The following ALDH2 variants were observed in gnomAD, a reference collection of about 807,000 sequenced individuals.
ALDH2 encodes aldehyde dehydrogenase 2 family member.
A neutral mutation model predicts 59.6 loss-of-function variants in ALDH2; 44 were observed. The ratio of observed to expected loss-of-function variants is 0.74; its 90% confidence interval spans 0.58 to 0.95. The LOEUF is 0.95. Ranked by LOEUF, ALDH2 falls within the 40% of genes least tolerant of loss-of-function variation. The pLI, the probability that ALDH2 is intolerant of heterozygous loss-of-function variation, is 0.00. For synonymous variants in ALDH2, 291 were observed against 284.0 expected (o/e 1.02, Z -0.25); for missense variants, 570 against 696.3 (o/e 0.82, Z 2.04).
intron 8 of ALDH2, among the ~76,000 whole-genome samples, 155 bp downstream of exon 8, chr12:111,792,318 C>CTGGCCT (rs1593080233): frequency 1.3e-5 from 2 of 152,360 alleles, no homozygotes; most frequent in East Asian, 3.9e-4. Context: ...CCTGCATGGC[C>CTGGCCT]TGGCCTTGGC....
At position 111,814,349 on chromosome 12, in the gene ALDH2, A is replaced by G. The variant is rs2068556905; in HGVS notation, c.*4774A>G. On this transcript the variant is annotated 3_prime_UTR_variant, in exon 13 of 13. Transcript: ENST00000261733. ...GTGACAGAGTGAGACTCTGTCTCCA[A>G]AAAAAAAAAAAGAAACCCCATCTCT... The G allele has an allele frequency of 6.9e-6, 1 of 145,674 alleles. No individual in the cohort carries two copies. The highest frequency in any genetic ancestry group is 2.5e-5 in the African/African-American group (1 of 40,188). 9.0% of individuals were successfully genotyped at this position (145,674 alleles called of 1,614,324 possible).
intron 9 of ALDH2, among the ~76,000 whole-genome samples, chr12:111,796,371 G>A (rs1180904635): frequency 6.6e-6 from 1 of 151,686 alleles, no homozygotes; most frequent in Non-Finnish European, 1.5e-5. Flanking sequence ...AAATTAGCCA[G>A]ATGTAGTGAT....
chr12:111,802,283 G>T (rs1480066837), intron 11 of ALDH2, among the ~76,000 whole-genome samples: 1 of 151,938 alleles, frequency 6.6e-6, no homozygotes. Context: ...GTGGTGGCAT[G>T]CACCTGTAAT....
intron 11 of ALDH2, among the ~76,000 whole-genome samples, 167 bp from the exon 12 acceptor site, chr12:111,803,692 T>C (rs555019657): frequency 6.6e-6 from 1 of 151,820 alleles, no homozygotes; most frequent in South Asian, 2.1e-4. Context: ...GCCAAGATCA[T>C]GCCATGGCAA....
intron 12 of ALDH2, 116 bp from the exon 13 acceptor site, chr12:111,809,427 C>T (rs1387876478): frequency 1.7e-6 from 2 of 1,148,112 alleles, no homozygotes; most frequent in Non-Finnish European, 2.6e-6. Flanking sequence ...GTACTCCAGT[C>T]TGGGGAGAAA....
Position 111,815,011 on chromosome 12 carries a change from A to G in ALDH2, c.*5436A>G, listed in dbSNP as rs1343371816. 2 of 152,164 alleles carry G rather than the reference A, an allele frequency of 1.3e-5. No homozygotes were observed. Among genetic ancestry groups the G allele is most frequent in the African/African-American group, 2.4e-5 (1 of 41,434 alleles). The allele number at this position is 152,164 out of a possible 1,614,324, so 9.4% of individuals were successfully genotyped here. On this transcript the variant is annotated 3_prime_UTR_variant, in exon 13 of 13. Coordinates refer to ENST00000261733, the MANE Select transcript of ALDH2 (RefSeq NM_000690.4). ...TCATTTGGCTTATTCTGTGAAGGAT[A>G]AAACAGAGCTGACATTTGTTCATTT...
chr12:111,815,199 TA>T lies in ALDH2; in HGVS notation c.*5626del, dbSNP rs1360726200. 6.6e-6 allele frequency: 1 copy of T among 152,172 alleles called. No homozygotes were observed. Among genetic ancestry groups the T allele is most frequent in the African/African-American group, 2.4e-5 (1 of 41,436 alleles). 9.4% of individuals were successfully genotyped at this position (152,172 alleles called of 1,614,324 possible). ...ACTTGGAGCCTTCTCAAGAGCTTCT[TA>T]ACAATATTTTCATTTTTTATATTTT... is the stretch of plus-strand genomic sequence containing the variant. On this transcript the variant is annotated 3_prime_UTR_variant, in exon 13 of 13. Transcript: ENST00000261733.
At chr12:111,799,725 C>T in intron 10 of ALDH2, 181 bp from the exon 11 acceptor site, 1 of 638,374 alleles carries the variant, frequency 1.6e-6, no homozygotes, top group Non-Finnish European at 2.5e-6. Flanking sequence ...GAAGTTGGCC[C>T]CTGTTAGCTC....
Position 111,809,831 on chromosome 12 carries a change from A to G in ALDH2, c.*256A>G. The G allele has an allele frequency of 1.8e-6, 1 of 544,868 alleles. No homozygotes were observed. Among genetic ancestry groups the G allele is most frequent in the Non-Finnish European group, 3.3e-6 (1 of 306,258 alleles). The allele number at this position is 544,868 out of a possible 1,614,324, so 33.8% of individuals were successfully genotyped here. On this transcript the variant is annotated 3_prime_UTR_variant, in exon 13 of 13. Transcript: ENST00000261733. ...GATGATTTTTAAAAAATAGATTCAA[A>G]TGTGTTATCCTCTCTCTGAAACGCT...
chr12:111,780,255 C>G (rs972387608), intron 1 of ALDH2, among the ~76,000 whole-genome samples: 18 of 152,138 alleles, frequency 1.2e-4, no homozygotes, highest in African/African-American at 3.9e-4. Flanking sequence ...AATGGAGGGG[C>G]TTTGGCTCTC....
rs189543272 is a variant in ALDH2 at position 111,770,655 on chromosome 12, A to T, written c.114+3559A>T. 9.2e-5 allele frequency among the ~76,000 whole-genome samples: 14 copies of T among 151,732 alleles called. No homozygotes were observed. In the East Asian group the frequency reaches 2.7e-3, roughly 29 times the overall value. On this transcript the variant is annotated intron_variant, in intron 1 of 12. Transcript: ENST00000261733. ...ATTTTTGTATTTTTTATTTTATTTT[A>T]TTTATTTGAGACAGACTCTTGCTCT...
At chr12:111,791,500 A>T in intron 7 of ALDH2, 81 bp downstream of exon 7, 2 of 1,092,916 alleles carry the variant, frequency 1.8e-6, no homozygotes, top group Non-Finnish European at 2.7e-6. Context: ...GCTCAAGGTG[A>T]GCTCCCGGGT....
chr12:111,779,298 G>A (rs367643693), intron 1 of ALDH2, among the ~76,000 whole-genome samples: 3 of 152,068 alleles, frequency 2.0e-5, no homozygotes, highest in South Asian at 2.1e-4. Flanking sequence ...CAAGTGATCC[G>A]TCCATCTCAG....
rs559715053 is a variant in ALDH2, at chr12:111,778,503, C to A, written c.115-3415C>A. ...GAGGTTGCAGTGAGCCGGGATCGCT[C>A]CATTGCACTCCAGCCTGGGGAACAA... On this transcript the variant is annotated intron_variant, in intron 1 of 12. Coordinates refer to ENST00000261733, the MANE Select transcript of ALDH2 (RefSeq NM_000690.4). 2.1e-4 allele frequency among the ~76,000 whole-genome samples: 32 copies of A among 150,738 alleles called. 1 individual carries two copies. Among genetic ancestry groups the A allele is most frequent in the Non-Finnish European group, 4.0e-4 (27 of 67,822 alleles).
At chr12:111,790,328 C>A in intron 5 of ALDH2, 106 bp from the exon 6 acceptor site, 1 of 1,462,340 alleles carries the variant, frequency 6.8e-7, no homozygotes, top group Non-Finnish European at 9.4e-7. Flanking sequence ...ACGCAGGGTT[C>A]AGAGAACTCG....
rs973538434 is a variant in ALDH2, at chr12:111,813,245, T to G, written c.*3670T>G. 6.6e-6 allele frequency: 1 copy of G among 152,204 alleles called. No individual in the cohort carries two copies. The highest frequency in any genetic ancestry group is 2.4e-5 in the African/African-American group (1 of 41,438). 9.4% of individuals were successfully genotyped at this position (152,204 alleles called of 1,614,324 possible). ...CGCTGCTTCTGGGTAGAGCCTCCAC[T>G]TGTGGCTGCACAGAGGGCACAGAGA... On this transcript the variant is annotated 3_prime_UTR_variant, in exon 13 of 13. Transcript: ENST00000261733.
intron 4 of ALDH2, among the ~76,000 whole-genome samples, chr12:111,785,560 C>T (rs1376996027): frequency 6.6e-6 from 1 of 152,040 alleles, no homozygotes; most frequent in Non-Finnish European, 1.5e-5. Context: ...CCCATCTCTA[C>T]TAAAAATACA....
intron 11 of ALDH2, among the ~76,000 whole-genome samples, chr12:111,803,063 C>T (rs2068467143): frequency 6.6e-6 from 1 of 150,594 alleles, no homozygotes; most frequent in Non-Finnish European, 1.5e-5. Context: ...TGGTAGCATG[C>T]ACCTGTAATC....
At chr12:111,797,800 G>A (rs561689487) in intron 9 of ALDH2, among the ~76,000 whole-genome samples, 3 of 152,122 alleles carry the variant, frequency 2.0e-5, no homozygotes, top group Non-Finnish European at 4.4e-5. Context: ...TATATGTAAC[G>A]GTCTCTTGCT....
Sources: allele counts gnomAD v4.1 joint callset (sites outside exome capture counted in the v4.1 genomes callset), GRCh38; gene constraint gnomAD v4.1.1; transcripts MANE v1.5; gene names NCBI Gene and HGNC (gene_info 2026-07-23, HGNC 2026-07-21).